The following BRD3 variants were observed in gnomAD, a reference collection of about 807,000 sequenced individuals.
BRD3 encodes the protein bromodomain containing 3.
Under a neutral mutation model 66.8 loss-of-function variants are expected in BRD3, and 17 were observed. That is an observed-to-expected ratio of 0.25 (90% confidence interval 0.17 to 0.38). BRD3 has a LOEUF of 0.38. Among genes scored for constraint, BRD3 ranks in the 10% least tolerant of loss-of-function variants. BRD3 has a pLI of 1.00. For missense variants in BRD3, 713 were observed against 956.1 expected (o/e 0.75, Z 3.35); for synonymous variants, 421 against 393.2 (o/e 1.07, Z -0.84).
rs141189239 is a variant in BRD3, at chr9:134,041,898, C to T, written c.1269G>A (p.Pro423=). Residue 423 remains proline, a synonymous_variant, in exon 8 of 12, where the codon CCG becomes CCA. Coordinates refer to ENST00000303407, the MANE Select transcript of BRD3 (RefSeq NM_007371.4). ...AKMPDEPVEA[P]ALPAPAAPMV... is the part of the protein sequence containing the mutation. The stretch of plus-strand genomic sequence containing the variant: ...TGGGGGCCGCGGGGGCAGGCAGCGC[C>T]GGTGCCTCCACGGGCTCATCTGGCA... 19 of 1,610,116 alleles carry T rather than the reference C, an allele frequency of 1.2e-5. No homozygotes were observed. The highest frequency in any genetic ancestry group is 1.7e-4 in the Middle Eastern group (1 of 6,054).
intron 10 of BRD3, among the ~76,000 whole-genome samples, chr9:134,035,210 C>G (rs1351901151): frequency 6.6e-6 from 1 of 152,254 alleles, no homozygotes; most frequent in Non-Finnish European, 1.5e-5. Context: ...TGCTCTCCAT[C>G]TGCCCGAGCA....
Position 134,032,493 on chromosome 9 carries a change from C to T in BRD3, c.*1097G>A, listed in dbSNP as rs1843525844. Reference sequence around the variant, plus strand: ...GAAAAAAACCAAAAAACCCAACAAACCCAGGGGCGAGCGCGCGAACAGACG... The same window carrying T: ...GAAAAAAACCAAAAAACCCAACAAATCCAGGGGCGAGCGCGCGAACAGACG... On this transcript the variant is annotated 3_prime_UTR_variant, in exon 12 of 12. Coordinates refer to ENST00000303407, the MANE Select transcript of BRD3 (RefSeq NM_007371.4). 2 of 226,032 alleles carry T rather than the reference C, an allele frequency of 8.8e-6. No individual in the cohort carries two copies. Among genetic ancestry groups the T allele is most frequent in the African/African-American group, 2.3e-5 (1 of 44,168 alleles). 14.0% of individuals were successfully genotyped at this position (226,032 alleles called of 1,614,324 possible). A position where few individuals can be genotyped will look rare whatever the true frequency, so the allele number is the denominator to read the frequency against.
At position 134,053,595 on chromosome 9, in the gene BRD3, A is replaced by T; in HGVS notation, c.-113-5T>A. On this transcript the variant is annotated splice_polypyrimidine_tract_variant and splice_region_variant and intron_variant, in intron 1 of 11. Transcript: ENST00000303407. Reference sequence around the variant, plus strand: ...CCGGGCCCAACCAGGCGACAGCTGCAGAGGAGGAAGCACAACAGAGAGGAA... The same window carrying T: ...CCGGGCCCAACCAGGCGACAGCTGCTGAGGAGGAAGCACAACAGAGAGGAA... 6.9e-7 allele frequency: 1 copy of T among 1,444,630 alleles called. No individual in the cohort carries two copies. The highest frequency in any genetic ancestry group is 9.1e-7 in the Non-Finnish European group (1 of 1,103,136). The allele number at this position is 1,444,630 out of a possible 1,614,324, so 89.5% of individuals were successfully genotyped here.
upstream of BRD3, chr9:134,068,454 AC>A (rs1830718427): frequency 6.7e-6 from 1 of 148,350 alleles, no homozygotes; most frequent in South Asian, 2.1e-4. Flanking sequence ...CCACCCTCGA[AC>A]CCCGGCCGCG....
Position 134,040,428 on chromosome 9 carries a change from C to A in BRD3, c.1408-159G>T, listed in dbSNP as rs563856743. 5.9e-5 allele frequency among the ~76,000 whole-genome samples: 9 copies of A among 152,312 alleles called. No homozygotes were observed. The South Asian group carries it at 1.9e-3, about 32-fold the overall frequency. ...CACCTGGGCCCTGCTCTGCCCCTCA[C>A]TCCCGTGACCCCCAGTGAGTCATGA... is the stretch of plus-strand genomic sequence containing the variant. On this transcript the variant is annotated intron_variant, in intron 8 of 11. Coordinates refer to ENST00000303407, the MANE Select transcript of BRD3 (RefSeq NM_007371.4).
rs71505268 is a variant in BRD3, at chr9:134,053,228, G to A, written c.213+37C>T. ...AGGAGGGGGACAGAGGACGGCAGCA[G>A]CAGAACGTGGCTCTTGGGGAGGCAG... On this transcript the variant is annotated intron_variant, in intron 2 of 11. Transcript: ENST00000303407. 9,489 of 1,607,022 alleles carry A rather than the reference G, an allele frequency of 5.9e-3. 41 individuals carry two copies. Among genetic ancestry groups the A allele is most frequent in the African/African-American group, 0.015 (1,153 of 74,978 alleles).
chr9:134,051,890 T>TG (rs1564555926), intron 3 of BRD3, among the ~76,000 whole-genome samples, 181 bp from the exon 4 acceptor site: 2 of 89,884 alleles, frequency 2.2e-5, no homozygotes, highest in African/African-American at 1.3e-4. Context: ...GTTTTTTTTG[T>TG]TTTTTTTTTT....
intron 1 of BRD3, among the ~76,000 whole-genome samples, chr9:134,062,268 G>A (rs756045669): frequency 4.7e-4 from 72 of 152,152 alleles, no homozygotes; most frequent in Non-Finnish European, 9.6e-4. Flanking sequence ...CTGCCTGGCC[G>A]CCTGGAGGGC....
chr9:134,049,507 C>T (rs1258840920), intron 5 of BRD3, among the ~76,000 whole-genome samples: 1 of 152,336 alleles, frequency 6.6e-6, no homozygotes, highest in East Asian at 1.9e-4. Context: ...AAGCGCCAGG[C>T]GCGTGCCGCA....
Position 134,045,530 on chromosome 9 carries a change from G to A in BRD3, c.1087-109C>T. The A allele has an allele frequency of 6.6e-7, 1 of 1,511,858 alleles. No individual in the cohort carries two copies. Among genetic ancestry groups the A allele is most frequent in the Non-Finnish European group, 9.0e-7 (1 of 1,105,158 alleles). 93.7% of individuals were successfully genotyped at this position (1,511,858 alleles called of 1,614,324 possible). A position where few individuals can be genotyped will look rare whatever the true frequency, so the allele number is the denominator to read the frequency against. ...GCCTCAGGAGCCACTGCCAGCTCCA[G>A]GGCAGTGCCTACTGGCCTGGCCGGC... On this transcript the variant is annotated intron_variant, in intron 6 of 11. Transcript: ENST00000303407. This position sits in a 1 kb window ranked among gnomAD's most constrained non-coding sequence, Gnocchi z 4.8.
At chr9:134,051,875 G>GTGTGTGTGTGTGTGTGTGTA (rs1554829362) in intron 3 of BRD3, among the ~76,000 whole-genome samples, 166 bp from the exon 4 acceptor site, 6 of 101,012 alleles carry the variant, frequency 5.9e-5, no homozygotes, top group African/African-American at 2.4e-4. Context: ...GTGTGTGTGT[G>GTGTGTGTGTGTGTGTGTGTA]TGTTGTTTTT....
At chr9:134,049,703 G>A (rs1235036046) in intron 5 of BRD3, among the ~76,000 whole-genome samples, 1 of 152,262 alleles carries the variant, frequency 6.6e-6, no homozygotes, top group Admixed American at 6.5e-5. Context: ...ACCCCTCTGA[G>A]CGCCCGCTTC....
chr9:134,067,345 G>A (rs1175654847), intron 1 of BRD3, among the ~76,000 whole-genome samples: 2 of 151,540 alleles, frequency 1.3e-5, no homozygotes, highest in African/African-American at 2.4e-5. Context: ...GGCCGAGCCC[G>A]GCCTTGCCCC....
chr9:134,041,644 C>A lies in BRD3; in HGVS notation c.1407+116G>T, dbSNP rs889011300. 11 of 1,323,916 alleles carry A rather than the reference C, an allele frequency of 8.3e-6. No individual in the cohort carries two copies. The East Asian group carries it at 2.6e-4, about 31-fold the overall frequency. The allele number at this position is 1,323,916 out of a possible 1,614,324, so 82.0% of individuals were successfully genotyped here. On this transcript the variant is annotated intron_variant, in intron 8 of 11. Coordinates refer to ENST00000303407, the MANE Select transcript of BRD3 (RefSeq NM_007371.4). ...GTGTCTTTACGGGGAAGCACTACCG[C>A]GGCTGCTGAGGGACAGGGGCAGAGG...
chr9:134,034,527 C>T (rs1843567887), intron 11 of BRD3, 174 bp downstream of exon 11: 7 of 916,686 alleles, frequency 7.6e-6, no homozygotes, highest in Non-Finnish European at 1.1e-5. Context: ...GGGTATGACC[C>T]CCAGTGACAG....
At chr9:134,068,297 C>T (rs1441109421), upstream of BRD3, 2 of 148,154 alleles carry the variant, frequency 1.3e-5, no homozygotes, top group Non-Finnish European at 3.0e-5. Context: ...GTGGGCCGTT[C>T]CCCGCCCGGG....
Position 134,053,692 on chromosome 9 carries a change from C to G in BRD3, c.-113-102G>C, listed in dbSNP as rs905236393. ...CCTGAGGGCACCTGTCGGGCCTCAG[C>G]AGGGCCTGCTCCACTCACTCACCCC... On this transcript the variant is annotated intron_variant, in intron 1 of 11. Transcript: ENST00000303407. The G allele has an allele frequency of 6.5e-6, 7 of 1,077,902 alleles. No individual in the cohort carries two copies. In the African/African-American group the frequency reaches 9.6e-5, roughly 15 times the overall value. 66.8% of individuals were successfully genotyped at this position (1,077,902 alleles called of 1,614,324 possible).
At chr9:134,062,615 C>T (rs951074364) in intron 1 of BRD3, among the ~76,000 whole-genome samples, 2 of 152,206 alleles carry the variant, frequency 1.3e-5, no homozygotes, top group South Asian at 2.1e-4. Flanking sequence ...CGTCCCTACC[C>T]GCCTCTCTAC....
intron 1 of BRD3, among the ~76,000 whole-genome samples, chr9:134,064,357 A>G (rs536474139): frequency 1.3e-5 from 2 of 150,454 alleles, no homozygotes; most frequent in East Asian, 3.9e-4. Flanking sequence ...GCGAAACCCC[A>G]TCTTTACTAA....
Sources: allele counts gnomAD v4.1 joint callset (sites outside exome capture counted in the v4.1 genomes callset), GRCh38; gene constraint gnomAD v4.1.1; non-coding constraint Gnocchi (gnomAD v3.1); transcripts MANE v1.5; gene names NCBI Gene and HGNC (gene_info 2026-07-23, HGNC 2026-07-21).